The following NEO1 variants were observed in gnomAD, a reference collection of about 807,000 sequenced individuals.
NEO1 encodes the protein neogenin 1.
NEO1 carries 63 observed loss-of-function variants against 159.7 expected under a neutral mutation model. The observed-to-expected ratio is 0.39, with a 90% CI of 0.32 to 0.49. The LOEUF is 0.49. NEO1 is among the 20% of genes least tolerant of loss of function. The pLI is 0.85. For synonymous variants in NEO1, 633 were observed against 662.0 expected (o/e 0.96, Z 0.67); for missense variants, 1,615 against 1,831.0 (o/e 0.88, Z 2.15).
intron 5 of NEO1, among the ~76,000 whole-genome samples, chr15:73,171,640 T>TATG (rs755824070): frequency 0.034 from 4,955 of 147,896 alleles, 132 homozygotes; most frequent in Non-Finnish European, 0.055. Flanking sequence ...TTATTATTAT[T>TATG]ATTATTATTA....
intron 7 of NEO1, among the ~76,000 whole-genome samples, chr15:73,210,083 A>T (rs1196556769): frequency 6.6e-6 from 1 of 152,208 alleles, no homozygotes; most frequent in Non-Finnish European, 1.5e-5. Context: ...CTGAAGTGCC[A>T]TGTGCTTTCA....
At chr15:73,273,736 G>A in intron 19 of NEO1, 75 bp from the exon 20 acceptor site, 2 of 982,144 alleles carry the variant, frequency 2.0e-6, no homozygotes, top group Non-Finnish European at 3.1e-6. Flanking sequence ...TGATATAATA[G>A]GTACTTATTG....
intron 8 of NEO1, among the ~76,000 whole-genome samples, chr15:73,242,496 T>C (rs1260823767): frequency 6.6e-6 from 1 of 152,004 alleles, no homozygotes; most frequent in Non-Finnish European, 1.5e-5. Context: ...GGCAAAACTT[T>C]GTCTCTACTA....
intron 5 of NEO1, among the ~76,000 whole-genome samples, chr15:73,153,977 G>C (rs999727788): frequency 1.3e-5 from 2 of 152,042 alleles, no homozygotes; most frequent in Non-Finnish European, 2.9e-5. Flanking sequence ...ATAATATCAA[G>C]CAATTTTTAT....
At chr15:73,091,485 C>T (rs1033989006) in intron 1 of NEO1, among the ~76,000 whole-genome samples, 1 of 152,076 alleles carries the variant, frequency 6.6e-6, no homozygotes, top group Non-Finnish European at 1.5e-5. Flanking sequence ...GCAGTGAGCT[C>T]AGCACTGTTT....
intron 7 of NEO1, among the ~76,000 whole-genome samples, chr15:73,205,064 A>G (rs897587506): frequency 1.3e-5 from 2 of 152,144 alleles, no homozygotes; most frequent in Admixed American, 6.5e-5. Flanking sequence ...TCTTTCAGCT[A>G]ATAGTTGTTT....
At chr15:73,095,221 A>C (rs958623356) in intron 1 of NEO1, among the ~76,000 whole-genome samples, 4 of 152,160 alleles carry the variant, frequency 2.6e-5, no homozygotes, top group South Asian at 4.2e-4. Context: ...AAAAAAAAAA[A>C]AACTTAACAG....
chr15:73,101,918 C>A (rs898749816), intron 1 of NEO1, among the ~76,000 whole-genome samples: 20 of 152,152 alleles, frequency 1.3e-4, no homozygotes, highest in African/African-American at 4.6e-4. Flanking sequence ...TATTTACCAA[C>A]CTATCTCTCC....
intron 1 of NEO1, among the ~76,000 whole-genome samples, chr15:73,069,262 G>A (rs377181522): frequency 6.6e-6 from 1 of 151,484 alleles, no homozygotes; most frequent in Admixed American, 6.6e-5. Context: ...GCGCACAGCC[G>A]AGTAGGGGCA....
intron 10 of NEO1, 59 bp downstream of exon 10, chr15:73,249,267 T>G (rs2039952530): frequency 6.4e-7 from 1 of 1,563,584 alleles, no homozygotes; most frequent in Non-Finnish European, 8.7e-7. Flanking sequence ...GAAATATATT[T>G]CCAAAACTCA....
intron 1 of NEO1, among the ~76,000 whole-genome samples, chr15:73,054,458 A>G (rs2067607281): frequency 6.6e-6 from 1 of 152,216 alleles, no homozygotes; most frequent in Admixed American, 6.5e-5. Context: ...CATGGAGTTT[A>G]CAGTCTGGTG....
chr15:73,108,238 A>G (rs1003955910), intron 1 of NEO1, among the ~76,000 whole-genome samples: 1 of 152,208 alleles, frequency 6.6e-6, no homozygotes, highest in Non-Finnish European at 1.5e-5. Flanking sequence ...GAGAATTTCC[A>G]AGTAACTGGT....
At chr15:73,086,408 ACTTT>A (rs1228522552) in intron 1 of NEO1, among the ~76,000 whole-genome samples, 13 of 151,990 alleles carry the variant, frequency 8.6e-5, no homozygotes, top group Non-Finnish European at 1.2e-4. Context: ...TAGCTATTCT[ACTTT>A]CTTTCTTTTT....
chr15:73,139,405 A>G (rs1215602416), intron 5 of NEO1, among the ~76,000 whole-genome samples: 6 of 152,204 alleles, frequency 3.9e-5, no homozygotes, highest in African/African-American at 1.2e-4. Flanking sequence ...GGAATGGGAG[A>G]AAATATTTGC....
intron 7 of NEO1, among the ~76,000 whole-genome samples, chr15:73,220,542 C>T (rs1259754379): frequency 6.6e-6 from 1 of 152,220 alleles, no homozygotes; most frequent in East Asian, 1.9e-4. Flanking sequence ...TGGTTCCATT[C>T]TCCCTGTCAT....
At chr15:73,183,763 A>G (rs1486398800) in intron 7 of NEO1, among the ~76,000 whole-genome samples, 1 of 152,152 alleles carries the variant, frequency 6.6e-6, no homozygotes, top group African/African-American at 2.4e-5. Context: ...AAGGAAAAAA[A>G]AAGAGAGAGA....
intron 1 of NEO1, among the ~76,000 whole-genome samples, chr15:73,099,858 C>T (rs1171465860): frequency 6.6e-6 from 1 of 152,162 alleles, no homozygotes; most frequent in Non-Finnish European, 1.5e-5. Context: ...ATGGCAAAAT[C>T]GCTTTAAAAA....
At position 73,279,351 on chromosome 15, in the gene NEO1, G is replaced by GTTTTTTTTTTTTTTTTT. The variant is rs869029902; in HGVS notation, c.3262+1167_3262+1168insTTTTTTTTTTTTTTTTT. Among the ~76,000 whole-genome samples, 534 of 119,088 alleles carry GTTTTTTTTTTTTTTTTT rather than the reference G, an allele frequency of 4.5e-3. 58 individuals are homozygous for GTTTTTTTTTTTTTTTTT. Among genetic ancestry groups the GTTTTTTTTTTTTTTTTT allele is most frequent in the Non-Finnish European group, 6.3e-3 (359 of 57,174 alleles). The allele number at this position is 119,088 out of a possible 152,430, so 78.1% of individuals were successfully genotyped here. On this transcript the variant is annotated intron_variant, in intron 22 of 28. Coordinates refer to ENST00000261908, the MANE Select transcript of NEO1 (RefSeq NM_002499.4). ...ATGTTTTTTTGTTGTTTTGGTTTTG[G>GTTTTTTTTTTTTTTTTT]TTTTTTTTTTTTTTTGAGATGGAAT...
At chr15:73,253,364 A>T (rs984477230) in intron 11 of NEO1, 36 bp from the exon 12 acceptor site, 7 of 1,291,136 alleles carry the variant, frequency 5.4e-6, no homozygotes, top group Admixed American at 4.4e-5. Flanking sequence ...ATGGGTGATT[A>T]AAAAAAAAAT....
Sources: allele counts gnomAD v4.1 joint callset (sites outside exome capture counted in the v4.1 genomes callset), GRCh38; gene constraint gnomAD v4.1.1; transcripts MANE v1.5; gene names NCBI Gene and HGNC (gene_info 2026-07-23, HGNC 2026-07-21).